The following PCLO variants were observed in gnomAD, a reference collection of about 807,000 sequenced individuals.
PCLO encodes the protein piccolo presynaptic cytomatrix protein.
A neutral mutation model predicts 427.5 loss-of-function variants in PCLO; 82 were observed. The observed-to-expected ratio is 0.19, with a 90% CI of 0.16 to 0.23. The LOEUF (loss-of-function observed/expected upper bound fraction) is 0.23, where lower values mean the gene tolerates loss of function less well. Ranked by LOEUF, PCLO falls within the 10% of genes least tolerant of loss-of-function variation. PCLO has a pLI of 1.00. For synonymous variants in PCLO, 2,357 were observed against 2,155.4 expected (o/e 1.09, Z -2.59); for missense variants, 6,239 against 6,115.9 (o/e 1.02, Z -0.67).
intron 3 of PCLO, among the ~76,000 whole-genome samples, chr7:83,027,209 C>T (rs780714109): frequency 0.011 from 1,576 of 139,364 alleles, 36 homozygotes; most frequent in African/African-American, 0.039. Flanking sequence ...AGACTGCTAG[C>T]AAGACTAATA....
intron 8 of PCLO, among the ~76,000 whole-genome samples, chr7:82,908,418 C>G (rs955914927): frequency 2.6e-5 from 4 of 152,022 alleles, no homozygotes; most frequent in African/African-American, 9.7e-5. Flanking sequence ...TATAATAGAT[C>G]CACTAAAATA....
At chr7:82,972,755 C>G (rs928158753) in intron 3 of PCLO, among the ~76,000 whole-genome samples, 1 of 151,984 alleles carries the variant, frequency 6.6e-6, no homozygotes. Context: ...CACTATGAAG[C>G]TTTTGACTCA....
chr7:83,119,228 T>C (rs1054134567), intron 3 of PCLO, among the ~76,000 whole-genome samples: 2 of 152,020 alleles, frequency 1.3e-5, no homozygotes, highest in Non-Finnish European at 2.9e-5. Flanking sequence ...GCTGTGCTGG[T>C]TTCAGATGTG....
intron 6 of PCLO, among the ~76,000 whole-genome samples, chr7:82,924,164 A>G (rs1365965111): frequency 1.3e-5 from 2 of 152,068 alleles, no homozygotes; most frequent in Admixed American, 1.3e-4. Context: ...GACTTCCTAG[A>G]GTAACTAGAA....
In PCLO at chr7:82,956,479, C is replaced by A; in HGVS notation, c.4474G>T (p.Asp1492Tyr). The change falls in exon 5 of 25, where the codon GAC becomes TAC. Residue 1492 changes from aspartate to tyrosine, a missense_variant. By Grantham distance (160) the Asp-to-Tyr change is radical (BLOSUM62 -3). Transcript: ENST00000333891. ...ACAAACTCAGACTTCTCTTTATGGT[C>A]CTTGCTGGAAGGAATATCTTGTTGG... ...DSQQDIPSSK[D>Y]HKEKSEFVDD... 1 of 1,613,782 alleles carries A rather than the reference C, an allele frequency of 6.2e-7. No individual in the cohort carries two copies. The highest frequency in any genetic ancestry group is 8.5e-7 in the Non-Finnish European group (1 of 1,179,836).
At chr7:83,116,266 A>C (rs1791128585) in intron 3 of PCLO, among the ~76,000 whole-genome samples, 1 of 37,260 alleles carries the variant, frequency 2.7e-5, no homozygotes, top group Non-Finnish European at 5.0e-5. Context: ...GGAGAAATGC[A>C]ATCAATTTAT....
intron 4 of PCLO, among the ~76,000 whole-genome samples, chr7:82,960,705 A>G (rs547684516): frequency 1.2e-4 from 19 of 152,302 alleles, no homozygotes; most frequent in Middle Eastern, 3.4e-3. Context: ...GAAAGATAGG[A>G]ATGAATGAAG....
At chr7:83,136,623 A>G (rs1281733537) in intron 2 of PCLO, among the ~76,000 whole-genome samples, 4 of 152,168 alleles carry the variant, frequency 2.6e-5, no homozygotes, top group Non-Finnish European at 5.9e-5. Flanking sequence ...CACTCCCTCA[A>G]ATGATCACAA....
chr7:82,898,185 A>G (rs759154628), intron 9 of PCLO, among the ~76,000 whole-genome samples: 1 of 151,452 alleles, frequency 6.6e-6, no homozygotes, highest in Non-Finnish European at 1.5e-5. Context: ...ATATTAAATA[A>G]CCTCTGAAAA....
intron 9 of PCLO, among the ~76,000 whole-genome samples, chr7:82,894,036 A>T (rs528670478): frequency 1.3e-5 from 2 of 152,124 alleles, no homozygotes; most frequent in Non-Finnish European, 1.5e-5. Flanking sequence ...AAAATCTTAT[A>T]CAATCAAAAC....
chr7:82,839,279 A>G (rs1034245377), intron 14 of PCLO, among the ~76,000 whole-genome samples: 2 of 152,132 alleles, frequency 1.3e-5, no homozygotes, highest in South Asian at 4.1e-4. Context: ...TTAAAATAGG[A>G]TAACTCAGAT....
At chr7:82,865,286 G>A (rs546183909) in intron 10 of PCLO, among the ~76,000 whole-genome samples, 1 of 152,154 alleles carries the variant, frequency 6.6e-6, no homozygotes, top group South Asian at 2.1e-4. Context: ...TCAGGAGTTC[G>A]AGACCAGCCT....
chr7:82,863,697 T>C (rs867939158), intron 10 of PCLO, among the ~76,000 whole-genome samples: 1 of 152,018 alleles, frequency 6.6e-6, no homozygotes, highest in Non-Finnish European at 1.5e-5. Context: ...CTATGTTCCC[T>C]CCAGCTTTCT....
chr7:82,836,000 G>A (rs1456233801), intron 15 of PCLO, among the ~76,000 whole-genome samples: 1 of 152,028 alleles, frequency 6.6e-6, no homozygotes, highest in Non-Finnish European at 1.5e-5. Context: ...AAGTAGGGAC[G>A]TTTTATTTGA....
intron 3 of PCLO, among the ~76,000 whole-genome samples, chr7:83,086,685 C>G (rs1790242011): frequency 6.6e-6 from 1 of 152,036 alleles, no homozygotes; most frequent in Non-Finnish European, 1.5e-5. Context: ...TATGCATCAA[C>G]ATATATTTTC....
At chr7:83,012,660 T>C (rs1788111900) in intron 3 of PCLO, among the ~76,000 whole-genome samples, 1 of 148,118 alleles carries the variant, frequency 6.8e-6, no homozygotes, top group Non-Finnish European at 1.5e-5. Flanking sequence ...GAAGCCCAGA[T>C]TTTTATATGA....
intron 9 of PCLO, among the ~76,000 whole-genome samples, chr7:82,885,977 A>G (rs1480452278): frequency 6.6e-6 from 1 of 152,062 alleles, no homozygotes; most frequent in African/African-American, 2.4e-5. Flanking sequence ...ATCAGAAGGT[A>G]TGGGTTTGAG....
At position 82,755,245 on chromosome 7, in the gene PCLO, G is replaced by T. The variant is rs1408168271; in HGVS notation, c.*3330C>A. The T allele has an allele frequency of 6.6e-6, 1 of 152,098 alleles. No individual in the cohort carries two copies. Among genetic ancestry groups the T allele is most frequent in the Non-Finnish European group, 1.5e-5 (1 of 67,970 alleles). The allele number at this position is 152,098 out of a possible 1,614,324, so 9.4% of individuals were successfully genotyped here. A position where few individuals can be genotyped will look rare whatever the true frequency, so the allele number is the denominator to read the frequency against. On this transcript the variant is annotated 3_prime_UTR_variant, in exon 25 of 25. Transcript: ENST00000333891. ...AATTCCACTGGTATGCTGAAAATAT[G>T]CGTTTAATTAGTGTAATTTATTAAA...
chr7:83,102,133 A>T (rs1790752757), intron 3 of PCLO, among the ~76,000 whole-genome samples: 1 of 141,876 alleles, frequency 7.0e-6, no homozygotes, highest in Non-Finnish European at 1.5e-5. Context: ...ATAATAAACA[A>T]ATTCATTTAG....
Sources: allele counts gnomAD v4.1 joint callset (sites outside exome capture counted in the v4.1 genomes callset), GRCh38; gene constraint gnomAD v4.1.1; transcripts MANE v1.5; gene names NCBI Gene and HGNC (gene_info 2026-07-23, HGNC 2026-07-21).